PCDH15: variants seen among roughly 807,000 people sequenced by gnomAD.
PCDH15 encodes protocadherin related 15.
PCDH15 carries 129 observed loss-of-function variants against 178.5 expected under a neutral mutation model. The ratio of observed to expected loss-of-function variants is 0.72; its 90% CI spans 0.63 to 0.84. The LOEUF (loss-of-function observed/expected upper bound fraction) is 0.84. PCDH15 is among the 40% of genes least tolerant of loss of function. The probability of loss-of-function intolerance (pLI) is 0.00; values close to 1 mark genes in which losing one functional copy is unlikely to be tolerated. For missense variants in PCDH15, 2,230 were observed against 2,099.9 expected (o/e 1.06, Z -1.21); for synonymous variants, 800 against 732.0 (o/e 1.09, Z -1.50).
At position 54,346,257 on chromosome 10, in the gene PCDH15, A is replaced by G. The variant is rs975093631; in HGVS notation, c.594+108T>C. On this transcript the variant is annotated intron_variant, in intron 6 of 37. Coordinates refer to ENST00000644397, the MANE Select transcript of PCDH15 (RefSeq NM_001384140.1). The stretch of plus-strand genomic sequence containing the variant: ...GACATTTTTAAATAATAGTATCATT[A>G]CTAATCTGGTTCTGGAAGTTACTGA... The G allele has an allele frequency of 4.0e-5, 41 of 1,034,054 alleles. 1 individual carries two copies. Among genetic ancestry groups the G allele is most frequent in the Non-Finnish European group, 1.7e-5 (12 of 691,406 alleles). 64.1% of individuals were successfully genotyped at this position (1,034,054 alleles called of 1,614,324 possible).
At chr10:54,859,163 C>T (rs1199882508) in intron 3 of PCDH15, among the ~76,000 whole-genome samples, 4 of 152,044 alleles carry the variant, frequency 2.6e-5, no homozygotes, top group Admixed American at 2.6e-4. Flanking sequence ...TCACATTTTT[C>T]TTGTGTGAGA....
chr10:54,390,938 G>C (rs1377485628), intron 3 of PCDH15, among the ~76,000 whole-genome samples: 1 of 152,036 alleles, frequency 6.6e-6, no homozygotes, highest in East Asian at 1.9e-4. Flanking sequence ...TTTTCTATAG[G>C]TTAAGAGGAT....
At chr10:54,219,123 A>C (rs1214725470) in intron 9 of PCDH15, among the ~76,000 whole-genome samples, 1 of 147,902 alleles carries the variant, frequency 6.8e-6, no homozygotes, top group East Asian at 2.0e-4. Context: ...AAAAAACAAA[A>C]AATTAGCCGG....
chr10:54,677,508 T>C (rs1193386669), intron 1 of PCDH15, among the ~76,000 whole-genome samples: 1 of 152,086 alleles, frequency 6.6e-6, no homozygotes, highest in Non-Finnish European at 1.5e-5. Flanking sequence ...AGGTTGCATA[T>C]ATTAAGTGTA....
intron 3 of PCDH15, among the ~76,000 whole-genome samples, chr10:54,866,786 G>C (rs919519350): frequency 6.8e-6 from 1 of 147,798 alleles, no homozygotes; most frequent in African/African-American, 2.5e-5. Context: ...ATAGACAGTA[G>C]GTTGGTGGTA....
intron 1 of PCDH15, among the ~76,000 whole-genome samples, chr10:54,713,876 C>T (rs2095450373): frequency 6.6e-6 from 1 of 152,052 alleles, no homozygotes. Flanking sequence ...TGACTTTTCC[C>T]TTGATAAACA....
At chr10:53,919,684 T>C (rs528329756) in intron 25 of PCDH15, among the ~76,000 whole-genome samples, 3 of 152,286 alleles carry the variant, frequency 2.0e-5, no homozygotes, top group African/African-American at 7.2e-5. Flanking sequence ...GGCCTTAAAT[T>C]TGAGTCATTT....
intron 2 of PCDH15, among the ~76,000 whole-genome samples, chr10:55,580,368 T>A (rs996194280): frequency 1.5e-4 from 23 of 150,524 alleles, no homozygotes; most frequent in African/African-American, 3.9e-4. Context: ...TTATTTTTTT[T>A]TTTTTTTGAG....
chr10:54,656,493 A>G (rs2094409098), intron 2 of PCDH15, among the ~76,000 whole-genome samples: 3 of 152,072 alleles, frequency 2.0e-5, no homozygotes, highest in South Asian at 4.1e-4. Context: ...TTGTTAACTC[A>G]CACAGGGGTG....
intron 2 of PCDH15, among the ~76,000 whole-genome samples, chr10:54,661,552 T>A (rs946266813): frequency 1.9e-4 from 29 of 151,690 alleles, no homozygotes; most frequent in African/African-American, 6.3e-4. Context: ...TAAAAAAAAA[T>A]TCTAAAATAC....
chr10:55,281,908 C>T (rs563953758), intron 1 of PCDH15, among the ~76,000 whole-genome samples: 3 of 152,006 alleles, frequency 2.0e-5, no homozygotes, highest in Non-Finnish European at 2.9e-5. Context: ...GATTTTGCTC[C>T]GAAATATTTA....
intron 1 of PCDH15, among the ~76,000 whole-genome samples, chr10:54,722,677 T>C (rs1345847909): frequency 6.6e-6 from 1 of 151,788 alleles, no homozygotes; most frequent in Admixed American, 6.6e-5. Context: ...CTCCACTTGA[T>C]AAATGACTTC....
At chr10:54,622,449 G>A (rs1435875925) in intron 2 of PCDH15, among the ~76,000 whole-genome samples, 1 of 146,404 alleles carries the variant, frequency 6.8e-6, no homozygotes, top group Non-Finnish European at 1.5e-5. Context: ...AGGGCATTCT[G>A]GCTTGTTTTA....
At chr10:55,182,245 G>C (rs1228015906) in intron 1 of PCDH15, among the ~76,000 whole-genome samples, 1 of 151,858 alleles carries the variant, frequency 6.6e-6, no homozygotes, top group African/African-American at 2.4e-5. Context: ...AAGGACACCA[G>C]TAACAAGTGA....
At chr10:55,280,749 ATTTAT>A (rs1431759832) in intron 1 of PCDH15, among the ~76,000 whole-genome samples, 1 of 152,174 alleles carries the variant, frequency 6.6e-6, no homozygotes, top group East Asian at 1.9e-4. Flanking sequence ...TAAAACTAAG[ATTTAT>A]TTTATCTCTC....
At position 54,424,171 on chromosome 10, in the gene PCDH15, AAAAC is replaced by A. The variant is rs1446666371; in HGVS notation, c.158-45233_158-45230del. ...AGAACTCAAACAAATTTACAAGAAAAAAACAAACCCATCAAAAAGTGGGTGAAGG... is the reference window on the plus strand; with the variant it reads ...AGAACTCAAACAAATTTACAAGAAAAAAACCCATCAAAAAGTGGGTGAAGG... On this transcript the variant is annotated intron_variant, in intron 3 of 37. Coordinates refer to ENST00000644397, the MANE Select transcript of PCDH15 (RefSeq NM_001384140.1). Among the ~76,000 whole-genome samples, 5 of 151,984 alleles carry A rather than the reference AAAAC, an allele frequency of 3.3e-5. No individual in the cohort carries two copies. The East Asian group carries it at 7.7e-4, about 23-fold the overall frequency.
chr10:54,853,396 T>C (rs201037099), intron 3 of PCDH15, among the ~76,000 whole-genome samples: 10 of 74,808 alleles, frequency 1.3e-4, no homozygotes, highest in Admixed American at 3.2e-4. Context: ...TACATATATA[T>C]ACACACACAT....
intron 2 of PCDH15, among the ~76,000 whole-genome samples, chr10:54,924,131 A>G (rs2131846546): frequency 7.2e-6 from 1 of 138,186 alleles, no homozygotes; most frequent in African/African-American, 2.5e-5. Context: ...GGAAGCAAGC[A>G]CTGTTCTCAC....
At chr10:53,933,762 G>A (rs12261424) in intron 25 of PCDH15, among the ~76,000 whole-genome samples, 6,045 of 151,604 alleles carry the variant, frequency 0.04, 346 homozygotes, top group African/African-American at 0.13. Flanking sequence ...GACTTCCACA[G>A]TGGTTGAACT....
Sources: allele counts gnomAD v4.1 joint callset (sites outside exome capture counted in the v4.1 genomes callset), GRCh38; gene constraint gnomAD v4.1.1; transcripts MANE v1.5; gene names NCBI Gene and HGNC (gene_info 2026-07-23, HGNC 2026-07-21).